The following ODR4 variants were observed in gnomAD, a reference collection of about 807,000 sequenced individuals.
ODR4 encodes the protein odr-4 GPCR localization factor homolog.
ODR4 carries 47 observed loss-of-function variants against 60.2 expected under a neutral mutation model. That is an observed-to-expected ratio of 0.78 (90% CI 0.62 to 1.00). The LOEUF is 1.00. ODR4 is among the 50% of genes least tolerant of loss of function. The probability of loss-of-function intolerance (pLI) is 0.00; values close to 1 mark genes in which losing one functional copy is unlikely to be tolerated. For synonymous variants in ODR4, 178 were observed against 175.5 expected, an observed-to-expected ratio of 1.01 and a Z score of -0.11; for missense variants, 488 against 530.8, an observed-to-expected ratio of 0.92 and a Z score of 0.79.
intron 11 of ODR4, 90 bp downstream of exon 11, chr1:186,399,134 G>GCTA: frequency 1.2e-6 from 1 of 814,056 alleles, no homozygotes; most frequent in Non-Finnish European, 2.1e-6. Flanking sequence ...ATCTTTTATA[G>GCTA]CTACCTATCT....
In ODR4 at chr1:186,420,108, T is replaced by C. The variant is rs1049954883; in HGVS notation, c.*1032T>C. On this transcript the variant is annotated 3_prime_UTR_variant, in exon 14 of 14. Coordinates refer to ENST00000287859, the MANE Select transcript of ODR4 (RefSeq NM_017847.6). ...AATAGGTTCACTGGAAGTAGGAGAA[T>C]TTTCAAGAACCATACTTCGACATTT... The C allele has an allele frequency of 2.6e-5, 4 of 152,324 alleles. No individual in the cohort carries two copies. Among genetic ancestry groups the C allele is most frequent in the Middle Eastern group, 3.4e-3 (1 of 294 alleles). 9.4% of individuals were successfully genotyped at this position (152,324 alleles called of 1,614,324 possible). A position where few individuals can be genotyped will look rare whatever the true frequency, so the allele number is the denominator to read the frequency against.
downstream of ODR4, among the ~76,000 whole-genome samples, chr1:186,425,207 T>C (rs987154011): frequency 6.6e-6 from 1 of 152,158 alleles, no homozygotes; most frequent in Non-Finnish European, 1.5e-5. Context: ...TTCAGTAACA[T>C]ATGAGGCACC....
intron 9 of ODR4, among the ~76,000 whole-genome samples, chr1:186,396,780 CAT>C (rs1293463459): frequency 6.7e-6 from 1 of 149,790 alleles, no homozygotes; most frequent in Non-Finnish European, 1.5e-5. Flanking sequence ...CACACATACA[CAT>C]ATATTTACAT....
At chr1:186,399,595 C>T (rs1241360563) in intron 11 of ODR4, among the ~76,000 whole-genome samples, 1 of 152,090 alleles carries the variant, frequency 6.6e-6, no homozygotes, top group East Asian at 1.9e-4. Flanking sequence ...AAAATTAATT[C>T]CAAGTGAACT....
chr1:186,423,658 A>T (rs1000641920), downstream of ODR4, among the ~76,000 whole-genome samples: 3 of 151,320 alleles, frequency 2.0e-5, no homozygotes, highest in African/African-American at 7.3e-5. Flanking sequence ...TTTCACCAAG[A>T]TGTCCAGGCT....
chr1:186,389,440 G>T, intron 5 of ODR4, 148 bp from the exon 6 acceptor site: 1 of 617,184 alleles, frequency 1.6e-6, no homozygotes, highest in Non-Finnish European at 2.8e-6. Flanking sequence ...ATGCACACAT[G>T]TACATATATG....
intron 1 of ODR4, among the ~76,000 whole-genome samples, chr1:186,378,054 A>C (rs7552794): frequency 0.048 from 7,298 of 150,490 alleles, 531 homozygotes; most frequent in African/African-American, 0.16. Context: ...CAAAAAACAA[A>C]AAAAAAAAAG....
intron 12 of ODR4, among the ~76,000 whole-genome samples, chr1:186,407,543 T>A (rs1661217326): frequency 6.6e-6 from 1 of 152,116 alleles, no homozygotes; most frequent in African/African-American, 2.4e-5. Flanking sequence ...TAATTTAACC[T>A]CTTAATACTG....
At chr1:186,394,417 CT>C (rs755044353) in intron 9 of ODR4, among the ~76,000 whole-genome samples, 4 of 152,084 alleles carry the variant, frequency 2.6e-5, no homozygotes, top group African/African-American at 7.2e-5. Flanking sequence ...TTTATACCCC[CT>C]GATTTGATAA....
intron 11 of ODR4, chr1:186,401,212 A>G (rs527876313): frequency 6.5e-7 from 1 of 1,541,334 alleles, no homozygotes; most frequent in South Asian, 1.1e-5. Flanking sequence ...AGTAAAATTA[A>G]TGGCCCCTAA....
chr1:186,383,116 A>G lies in ODR4; in HGVS notation c.194A>G (p.Asp65Gly), dbSNP rs375283889. Reference protein sequence around the residue: ...ENLKHPKAKLDNLDEEWATEH... With the variant: ...ENLKHPKAKLGNLDEEWATEH... ...CTCAAACATCCCAAAGCTAAGTTGG[A>G]TAACTTGGATGAAGAATGGGCCACA... Residue 65 changes from aspartate (D) to glycine (G), a missense_variant, in exon 3 of 14, where the codon GAT becomes GGT. Asp to Gly is a moderately conservative substitution (Grantham distance 94). Coordinates refer to ENST00000287859, the MANE Select transcript of ODR4 (RefSeq NM_017847.6). 2 of 1,557,040 alleles carry G rather than the reference A, an allele frequency of 1.3e-6. No individual in the cohort carries two copies. The highest frequency in any genetic ancestry group is 8.7e-7 in the Non-Finnish European group (1 of 1,149,728).
intron 4 of ODR4, 44 bp downstream of exon 4, chr1:186,386,127 GTTATTTTTACTGA>G (rs775727262): frequency 6.9e-6 from 8 of 1,154,220 alleles, no homozygotes; most frequent in African/African-American, 3.2e-5. Context: ...TCAGTTATAT[GTTATTTTTACTGA>G]TTATGAGTAT....
At chr1:186,418,067 C>A (rs1661639571) in intron 13 of ODR4, among the ~76,000 whole-genome samples, 1 of 152,090 alleles carries the variant, frequency 6.6e-6, no homozygotes, top group Non-Finnish European at 1.5e-5. Context: ...CTAAGAATTA[C>A]TTTAACAGTT....
intron 9 of ODR4, among the ~76,000 whole-genome samples, chr1:186,397,086 A>G (rs555079535): frequency 1.3e-5 from 2 of 152,082 alleles, no homozygotes; most frequent in Non-Finnish European, 2.9e-5. Flanking sequence ...GTCTGTGGCA[A>G]ATTTTTTGTC....
intron 12 of ODR4, among the ~76,000 whole-genome samples, chr1:186,411,616 A>G (rs1303939449): frequency 6.6e-6 from 1 of 151,888 alleles, no homozygotes; most frequent in Non-Finnish European, 1.5e-5. Flanking sequence ...ACCTTGTGAA[A>G]TATTAGCATG....
At chr1:186,399,352 C>T in intron 11 of ODR4, 1 of 370,148 alleles carries the variant, frequency 2.7e-6, no homozygotes, top group South Asian at 2.3e-5. Context: ...CCTGCAGGCA[C>T]ATGCCATGAT....
intron 12 of ODR4, among the ~76,000 whole-genome samples, 152 bp downstream of exon 12, chr1:186,406,420 T>C (rs1661177386): frequency 6.6e-6 from 1 of 152,178 alleles, no homozygotes. Context: ...TTAAAATACA[T>C]GTTTAATTTC....
At chr1:186,414,521 A>T (rs1661487116) in intron 12 of ODR4, among the ~76,000 whole-genome samples, 1 of 151,614 alleles carries the variant, frequency 6.6e-6, no homozygotes, top group South Asian at 2.1e-4. Context: ...AAAAAACAAA[A>T]ACCTTTTTTT....
At chr1:186,399,405 T>A (rs1227368469) in intron 11 of ODR4, among the ~76,000 whole-genome samples, 2 of 152,062 alleles carry the variant, frequency 1.3e-5, no homozygotes, top group Non-Finnish European at 2.9e-5. Flanking sequence ...GACAGGGTTT[T>A]GCCATGTTGC....
Sources: allele counts gnomAD v4.1 joint callset (sites outside exome capture counted in the v4.1 genomes callset), GRCh38; gene constraint gnomAD v4.1.1; transcripts MANE v1.5; gene names NCBI Gene and HGNC (gene_info 2026-07-23, HGNC 2026-07-21).